Variants in LSAMP observed in about 807,000 individuals in gnomAD.
LSAMP encodes limbic system-associated membrane protein.
Under a neutral mutation model 38.6 loss-of-function variants are expected in LSAMP, and 7 were observed. That is an observed-to-expected ratio of 0.18 (90% CI 0.10 to 0.34). The LOEUF (loss-of-function observed/expected upper bound fraction) is 0.34. Ranked by LOEUF, LSAMP falls within the 10% of genes least tolerant of loss-of-function variation. The probability of loss-of-function intolerance (pLI) is 1.00; values close to 1 mark genes in which losing one functional copy is unlikely to be tolerated. For synonymous variants in LSAMP, 154 were observed against 166.8 expected, an observed-to-expected ratio of 0.92 and a Z score of 0.59; for missense variants, 313 against 420.0, an observed-to-expected ratio of 0.75 and a Z score of 2.23.
At chr3:116,179,029 C>T (rs1371062691) in intron 1 of LSAMP, among the ~76,000 whole-genome samples, 1 of 107,194 alleles carries the variant, frequency 9.3e-6, no homozygotes, top group Non-Finnish European at 2.3e-5. Context: ...CTTTTACTAC[C>T]TAAAAAAAAA....
intron 3 of LSAMP, among the ~76,000 whole-genome samples, chr3:115,908,718 T>G (rs773952673): frequency 1.3e-5 from 2 of 152,176 alleles, no homozygotes; most frequent in African/African-American, 4.8e-5. Context: ...ATACCTCTAG[T>G]GCAAAAAGCA....
intron 3 of LSAMP, among the ~76,000 whole-genome samples, chr3:115,954,114 C>G (rs76720177): frequency 6.6e-6 from 1 of 152,186 alleles, no homozygotes; most frequent in Admixed American, 6.5e-5. Context: ...CCCACTCCCT[C>G]ATCCCGATTC....
chr3:116,330,498 C>T (rs1337678353), intron 1 of LSAMP, among the ~76,000 whole-genome samples: 2 of 152,100 alleles, frequency 1.3e-5, no homozygotes, highest in African/African-American at 2.4e-5. Flanking sequence ...TTGTAAGCCC[C>T]ACCTCCTGTG....
At chr3:116,324,444 G>A (rs534102844) in intron 1 of LSAMP, among the ~76,000 whole-genome samples, 4 of 152,232 alleles carry the variant, frequency 2.6e-5, no homozygotes, top group Admixed American at 1.3e-4. Flanking sequence ...TCTGAAAGCC[G>A]GGAATTGTGG....
chr3:116,429,269 T>C (rs2049246019), intron 1 of LSAMP, among the ~76,000 whole-genome samples: 1 of 152,190 alleles, frequency 6.6e-6, no homozygotes, highest in Admixed American at 6.5e-5. Context: ...AAAGTCACTT[T>C]ACAAAAAGAG....
At chr3:116,208,266 AC>A (rs2046098212) in intron 1 of LSAMP, among the ~76,000 whole-genome samples, 1 of 150,276 alleles carries the variant, frequency 6.7e-6, no homozygotes, top group African/African-American at 2.4e-5. Context: ...TCCTTTAAGC[AC>A]TTCTCTGTAT....
chr3:116,176,416 G>A (rs535376530), intron 1 of LSAMP, among the ~76,000 whole-genome samples: 1 of 152,230 alleles, frequency 6.6e-6, no homozygotes, highest in South Asian at 2.1e-4. Flanking sequence ...TATTGCAAAT[G>A]GAAGAGCAAT....
At chr3:116,092,167 TA>T in intron 1 of LSAMP, among the ~76,000 whole-genome samples, 1 of 152,302 alleles carries the variant, frequency 6.6e-6, no homozygotes, top group South Asian at 2.1e-4. Flanking sequence ...CAAATTGCAT[TA>T]GGTCAATTAT....
chr3:116,342,840 C>T (rs1322058539), intron 1 of LSAMP, among the ~76,000 whole-genome samples: 3 of 152,102 alleles, frequency 2.0e-5, no homozygotes, highest in Non-Finnish European at 4.4e-5. Context: ...AAGAGAAATA[C>T]AACTTAGCTT....
At chr3:115,844,315 T>C (rs1323121862) in intron 4 of LSAMP, among the ~76,000 whole-genome samples, 1 of 152,222 alleles carries the variant, frequency 6.6e-6, no homozygotes, top group Non-Finnish European at 1.5e-5. Context: ...GAACCAGGAT[T>C]AGCAGTCAAG....
intron 3 of LSAMP, among the ~76,000 whole-genome samples, chr3:115,989,501 A>G (rs1412167374): frequency 6.6e-6 from 1 of 151,948 alleles, no homozygotes; most frequent in African/African-American, 2.4e-5. Context: ...TTCTCTTTCC[A>G]TGTTCTCTTT....
chr3:116,411,400 G>A (rs987159812), intron 1 of LSAMP, among the ~76,000 whole-genome samples: 12 of 151,788 alleles, frequency 7.9e-5, no homozygotes, highest in Non-Finnish European at 1.6e-4. Context: ...TGATAGACTG[G>A]ATTAAGAAAA....
chr3:116,185,123 C>T (rs1278296224), intron 1 of LSAMP, among the ~76,000 whole-genome samples: 8 of 149,532 alleles, frequency 5.4e-5, no homozygotes, highest in Non-Finnish European at 1.2e-4. Context: ...TTTCCCTTCT[C>T]CCTCCAGAAT....
chr3:116,091,935 G>A lies in LSAMP; in HGVS notation c.156-5379C>T, dbSNP rs961129938. On this transcript the variant is annotated intron_variant, in intron 1 of 6. Transcript: ENST00000490035. ...CCACCTCTTCAGAAAATCTTCTCTC[G>A]TCAGTGTAACCTTCTTAAAACTTCC... Among the ~76,000 whole-genome samples, 4 of 152,188 alleles carry A rather than the reference G, an allele frequency of 2.6e-5. No homozygotes were observed. The South Asian group carries it at 6.2e-4, about 24-fold the overall frequency.
chr3:116,429,848 G>A (rs2049256947), intron 1 of LSAMP, among the ~76,000 whole-genome samples: 1 of 152,146 alleles, frequency 6.6e-6, no homozygotes, highest in Non-Finnish European at 1.5e-5. Context: ...GAACCATATT[G>A]ACCAAGAGGT....
At chr3:116,307,512 A>G (rs1409469047) in intron 1 of LSAMP, among the ~76,000 whole-genome samples, 5 of 151,868 alleles carry the variant, frequency 3.3e-5, no homozygotes, top group Admixed American at 3.3e-4. Context: ...GCTTTCTCTG[A>G]CTGCTCTTAT....
chr3:115,863,643 G>T (rs2107366792), intron 3 of LSAMP, among the ~76,000 whole-genome samples: 1 of 151,622 alleles, frequency 6.6e-6, no homozygotes, highest in East Asian at 1.9e-4. Flanking sequence ...CTGGGTTATG[G>T]GATCAGGAGG....
chr3:116,092,875 C>A (rs1308237465), intron 1 of LSAMP, among the ~76,000 whole-genome samples: 1 of 152,158 alleles, frequency 6.6e-6, no homozygotes, highest in African/African-American at 2.4e-5. Context: ...TAAGCCTGTT[C>A]AATTGCTGCT....
intron 1 of LSAMP, among the ~76,000 whole-genome samples, chr3:116,321,714 A>G (rs963954857): frequency 6.6e-6 from 1 of 152,116 alleles, no homozygotes. Flanking sequence ...AAACTCACAC[A>G]CTCATTCTTA....
Sources: allele counts gnomAD v4.1 joint callset (sites outside exome capture counted in the v4.1 genomes callset), GRCh38; gene constraint gnomAD v4.1.1; transcripts MANE v1.5; gene names NCBI Gene and HGNC (gene_info 2026-07-23, HGNC 2026-07-21).